Variants in FRMPD4 observed in about 807,000 individuals in gnomAD.
FRMPD4 encodes FERM and PDZ domain containing 4.
In FRMPD4, 22 loss-of-function variants were observed where a neutral mutation model predicts 94.1. The observed-to-expected ratio is 0.23, with a 90% CI of 0.17 to 0.33. The LOEUF is 0.33. Ranked by LOEUF, FRMPD4 falls within the 10% of genes least tolerant of loss-of-function variation. FRMPD4 has a pLI of 1.00. For synonymous variants in FRMPD4, 631 were observed against 548.6 expected, an observed-to-expected ratio of 1.15 and a Z score of -2.10; for missense variants, 1,111 against 1,339.9, an observed-to-expected ratio of 0.83 and a Z score of 2.67.
At chrX:12,112,541 AT>A (rs1410011538) in intron 3 of FRMPD4, among the ~76,000 whole-genome samples, 1 of 111,095 alleles carries the variant, frequency 9.0e-6, no homozygotes, top group Non-Finnish European at 1.9e-5. Context: ...CGTTGTACAC[AT>A]GTACCCTAGA....
intron 1 of FRMPD4, among the ~76,000 whole-genome samples, chrX:12,189,927 A>G (rs188653475): frequency 2.7e-5 from 3 of 111,677 alleles, no homozygotes; most frequent in African/African-American, 9.7e-5. Flanking sequence ...GGAAGAAATA[A>G]CTGTCTTTTA....
chrX:12,199,953 A>C (rs2056613176), intron 1 of FRMPD4, among the ~76,000 whole-genome samples: 1 of 110,518 alleles, frequency 9.0e-6, no homozygotes, highest in African/African-American at 3.3e-5. Context: ...TGGAGACCAC[A>C]AGACCAAATG....
At chrX:12,069,602 T>C (rs2054949212) in intron 3 of FRMPD4, among the ~76,000 whole-genome samples, 2 of 111,142 alleles carry the variant, frequency 1.8e-5, no homozygotes, top group South Asian at 3.8e-4. Context: ...AGGCTGAAGA[T>C]AGAAATTTTA....
intron 1 of FRMPD4, among the ~76,000 whole-genome samples, chrX:12,297,834 G>T (rs2054796488): frequency 9.0e-6 from 1 of 111,278 alleles, no homozygotes; most frequent in Non-Finnish European, 1.9e-5. Flanking sequence ...TCTTGGCAGG[G>T]ATACATCCCT....
At chrX:12,373,536 C>G (rs2056191212) in intron 1 of FRMPD4, among the ~76,000 whole-genome samples, 1 of 111,813 alleles carries the variant, frequency 8.9e-6, no homozygotes, top group Non-Finnish European at 1.9e-5. Context: ...CAATTTCTAC[C>G]TGCTGGTTTA....
chrX:12,502,302 A>C (rs1460667752), intron 2 of FRMPD4, among the ~76,000 whole-genome samples: 3 of 112,647 alleles, frequency 2.7e-5, no homozygotes, highest in Non-Finnish European at 3.8e-5. Context: ...AGAAATATGA[A>C]ATGCAGTTTT....
chrX:12,166,057 A>G (rs1311120798), intron 1 of FRMPD4, among the ~76,000 whole-genome samples: 1 of 111,698 alleles, frequency 9.0e-6, no homozygotes, highest in African/African-American at 3.3e-5. Flanking sequence ...TCTCCTGCCT[A>G]ATTGCCCTGG....
At chrX:12,679,395 C>A (rs1255515836) in intron 5 of FRMPD4, among the ~76,000 whole-genome samples, 1 of 111,910 alleles carries the variant, frequency 8.9e-6, no homozygotes, top group African/African-American at 3.2e-5. Flanking sequence ...CCGATTCAAC[C>A]AACCAGGCGG....
chrX:12,718,429 A>G lies in FRMPD4; in HGVS notation c.3603A>G (p.Ser1201=), dbSNP rs2042149546. The change falls in exon 16 of 17, where the codon TCA becomes TCG. Residue 1201 remains serine (S), a synonymous_variant. Transcript: ENST00000675598. ...CDYHLAKRMS[S]LQSEGHFSLQ... ...ACCACTTGGCCAAGCGGATGTCATC[A>G]CTGCAAAGCGAGGGCCATTTTTCTC... is the stretch of plus-strand genomic sequence containing the variant. The G allele has an allele frequency of 1.7e-6, 2 of 1,210,279 alleles. No individual in the cohort carries two copies. The highest frequency in any genetic ancestry group is 1.8e-5 in the South Asian group (1 of 56,958).
At chrX:12,086,071 C>CTGTG (rs753040402) in intron 3 of FRMPD4, among the ~76,000 whole-genome samples, 116 of 57,332 alleles carry the variant, frequency 2.0e-3, no homozygotes, top group African/African-American at 6.1e-3. Context: ...CTGCCTGTGT[C>CTGTG]TGTGTGCGTG....
At chrX:12,427,256 A>G (rs1434694350) in intron 1 of FRMPD4, among the ~76,000 whole-genome samples, 1 of 111,760 alleles carries the variant, frequency 8.9e-6, no homozygotes, top group Admixed American at 9.5e-5. Flanking sequence ...AAAATTTTAC[A>G]TTCATAATGA....
At chrX:12,537,626 AT>A (rs1240791738) in intron 2 of FRMPD4, among the ~76,000 whole-genome samples, 1 of 106,220 alleles carries the variant, frequency 9.4e-6, no homozygotes, top group Non-Finnish European at 1.9e-5. Context: ...TTATTTTTGT[AT>A]TTTTTGTAGA....
At chrX:12,390,939 C>A (rs5933996) in intron 1 of FRMPD4, among the ~76,000 whole-genome samples, 1 of 110,379 alleles carries the variant, frequency 9.1e-6, no homozygotes, top group Non-Finnish European at 1.9e-5. Flanking sequence ...AACGACTTCA[C>A]TGTTGTTCAG....
intron 2 of FRMPD4, among the ~76,000 whole-genome samples, chrX:12,585,130 C>T (rs2058913810): frequency 9.0e-6 from 1 of 110,992 alleles, no homozygotes; most frequent in Admixed American, 9.5e-5. Context: ...ATTGACCAGG[C>T]TGATCTCGAA....
intron 4 of FRMPD4, among the ~76,000 whole-genome samples, chrX:12,670,713 G>A (rs1011351707): frequency 8.9e-6 from 1 of 112,113 alleles, no homozygotes; most frequent in Admixed American, 9.4e-5. Flanking sequence ...AAAAGCAATG[G>A]CTACGAAAGC....
At chrX:12,551,899 A>G (rs981428038) in intron 2 of FRMPD4, among the ~76,000 whole-genome samples, 2 of 111,198 alleles carry the variant, frequency 1.8e-5, no homozygotes, top group Non-Finnish European at 3.8e-5. Flanking sequence ...CTATCATTCC[A>G]TTTTCACTTA....
chrX:12,427,145 C>G (rs953491132), intron 1 of FRMPD4, among the ~76,000 whole-genome samples: 5 of 111,997 alleles, frequency 4.5e-5, no homozygotes, highest in African/African-American at 1.6e-4. Context: ...CACCTTAGAA[C>G]TTAATTTTGT....
intron 1 of FRMPD4, among the ~76,000 whole-genome samples, chrX:12,469,434 T>C (rs919200195): frequency 2.7e-5 from 3 of 111,303 alleles, no homozygotes; most frequent in African/African-American, 6.5e-5. Context: ...TATGTTTTAG[T>C]AGAGATAGGG....
rs973661903 is a variant in FRMPD4, at chrX:11,941,513, G to A, written c.95+63495G>A. Among the ~76,000 whole-genome samples the A allele has an allele frequency of 5.4e-5, 6 of 111,832 alleles. No homozygotes were observed. The Admixed American group carries it at 5.7e-4, about 11-fold the overall frequency. On this transcript the variant is annotated intron_variant, in intron 3 of 18. Transcript: ENST00000640291. ...CGTATGCCACTTTATATCTGTAGGT[G>A]CTTTGTACACATCACTCCCTCTTGG...
Sources: allele counts gnomAD v4.1 joint callset (sites outside exome capture counted in the v4.1 genomes callset), GRCh38; gene constraint gnomAD v4.1.1; transcripts MANE v1.5; gene names NCBI Gene and HGNC (gene_info 2026-07-23, HGNC 2026-07-21).